The following SUSD5 variants were observed in gnomAD, a reference collection of about 807,000 sequenced individuals.
SUSD5 encodes sushi domain containing 5.
A neutral mutation model predicts 29.5 loss-of-function variants in SUSD5; 33 were observed. The observed-to-expected ratio is 1.12, with a 90% CI of 0.85 to 1.49. The LOEUF (loss-of-function observed/expected upper bound fraction) is 1.49, where lower values mean the gene tolerates loss of function less well. Among genes scored for constraint, SUSD5 ranks in the 40% most tolerant of loss-of-function variants. SUSD5 has a pLI of 0.00. For synonymous variants in SUSD5, 308 were observed against 325.3 expected, an observed-to-expected ratio of 0.95 and a Z score of 0.57; for missense variants, 776 against 800.6, an observed-to-expected ratio of 0.97 and a Z score of 0.37.
intron 4 of SUSD5, among the ~76,000 whole-genome samples, chr3:33,156,766 A>T (rs948776214): frequency 6.6e-6 from 1 of 152,212 alleles, no homozygotes; most frequent in Non-Finnish European, 1.5e-5. Flanking sequence ...TTATTTCTAA[A>T]GGCTGTTAGA....
At chr3:33,202,094 C>T (rs1328644958) in intron 3 of SUSD5, among the ~76,000 whole-genome samples, 2 of 151,846 alleles carry the variant, frequency 1.3e-5, no homozygotes, top group Non-Finnish European at 2.9e-5. Flanking sequence ...TATCTATCAT[C>T]TATCTGAAGC....
chr3:33,195,154 C>T (rs112740401), intron 3 of SUSD5, among the ~76,000 whole-genome samples: 9 of 152,294 alleles, frequency 5.9e-5, no homozygotes, highest in African/African-American at 2.2e-4. Flanking sequence ...GAGACTGTGC[C>T]ACTGCACTCC....
intron 4 of SUSD5, among the ~76,000 whole-genome samples, chr3:33,161,868 G>A (rs1272520339): frequency 1.3e-5 from 2 of 152,060 alleles, no homozygotes; most frequent in African/African-American, 4.8e-5. Flanking sequence ...AGAAGACACT[G>A]ATAAATCCAT....
chr3:33,174,824 A>T, intron 4 of SUSD5, 62 bp downstream of exon 4: 1 of 1,577,182 alleles, frequency 6.3e-7, no homozygotes, highest in Non-Finnish European at 8.7e-7. Flanking sequence ...AGCCAGCAGC[A>T]GTGGAGCCCT....
rs1365029244 is a variant in SUSD5 at position 33,213,964 on chromosome 3, A to T, written c.254T>A (p.Val85Glu). 1 of 1,610,474 alleles carries T rather than the reference A, an allele frequency of 6.2e-7. No homozygotes were observed. Reference protein sequence around the residue: ...RRVVQDCSFAVCTTGWLADGT... With the variant: ...RRVVQDCSFAECTTGWLADGT... Reference sequence around the variant, plus strand: ...ATCTGCTAGCCAGCCAGTGGTGCACACCGCAAAGGAGCAATCCTGTACCAC... The same window carrying T: ...ATCTGCTAGCCAGCCAGTGGTGCACTCCGCAAAGGAGCAATCCTGTACCAC... Residue 85 changes from valine to glutamate, a missense_variant, in exon 2 of 5, where the codon GTG becomes GAG. Physicochemically the swap from Val to Glu is moderately radical, Grantham distance 121. Coordinates refer to ENST00000309558, the MANE Select transcript of SUSD5 (RefSeq NM_015551.2).
At chr3:33,159,283 C>A (rs910694135) in intron 4 of SUSD5, among the ~76,000 whole-genome samples, 1 of 152,188 alleles carries the variant, frequency 6.6e-6, no homozygotes, top group African/African-American at 2.4e-5. Context: ...CACGGGAAAG[C>A]AGAATTCTAC....
rs2032177197 is a variant in SUSD5 at position 33,204,513 on chromosome 3, G to T, written c.409+3295C>A. ...TTTTTTTGTATTTTTAGTAGAGACA[G>T]GGTTTCACCATGTTAGCCAGGATGG... is the stretch of plus-strand genomic sequence containing the variant. On this transcript the variant is annotated intron_variant, in intron 3 of 4. Coordinates refer to ENST00000309558, the MANE Select transcript of SUSD5 (RefSeq NM_015551.2). This position sits in a 1 kb window ranked among gnomAD's most constrained non-coding sequence, Gnocchi z 4.5. Among the ~76,000 whole-genome samples the T allele has an allele frequency of 6.6e-6, 1 of 151,966 alleles. No homozygotes were observed.
chr3:33,203,096 C>A (rs1480077352), intron 3 of SUSD5, among the ~76,000 whole-genome samples: 7 of 152,232 alleles, frequency 4.6e-5, no homozygotes, highest in Non-Finnish European at 8.8e-5. Flanking sequence ...ACAGCCTGTT[C>A]TCCTCTGCTT....
chr3:33,175,053 G>A lies in SUSD5; in HGVS notation c.431C>T (p.Pro144Leu). 1 of 1,614,018 alleles carries A rather than the reference G, an allele frequency of 6.2e-7. No homozygotes were observed. The highest frequency in any genetic ancestry group is 8.5e-7 in the Non-Finnish European group (1 of 1,179,888). The change falls in exon 4 of 5, where the codon CCT becomes CTT. Residue 144 changes from proline to leucine, a missense_variant. Physicochemically the swap from Pro to Leu is moderately conservative, Grantham distance 98 (BLOSUM62 -3). Coordinates refer to ENST00000309558, the MANE Select transcript of SUSD5 (RefSeq NM_015551.2). ...CTGCAGGATGGTGTGTGGGAACGAA[G>A]GCGGGTCTCCACACGGCTTCTCTGA... ...KDEEKPCGDP[P>L]SFPHTILQGR...
At chr3:33,207,763 C>G in intron 3 of SUSD5, 45 bp downstream of exon 3, 1 of 1,366,278 alleles carries the variant, frequency 7.3e-7, no homozygotes, top group Non-Finnish European at 1.0e-6. Context: ...TAGCAATCCC[C>G]AAGAGCACAC....
At chr3:33,168,306 C>G (rs1295563743) in intron 4 of SUSD5, among the ~76,000 whole-genome samples, 1 of 152,236 alleles carries the variant, frequency 6.6e-6, no homozygotes, top group Non-Finnish European at 1.5e-5. Flanking sequence ...AAAAAGACAA[C>G]CAGACAAGCC....
At chr3:33,195,350 C>A (rs1422077488) in intron 3 of SUSD5, among the ~76,000 whole-genome samples, 5 of 152,126 alleles carry the variant, frequency 3.3e-5, no homozygotes, top group African/African-American at 1.2e-4. Flanking sequence ...CCCAATTAAT[C>A]AGTGATGTGC....
chr3:33,209,680 CTTTCTTTTT>C (rs1287389665), intron 2 of SUSD5, among the ~76,000 whole-genome samples: 1 of 97,526 alleles, frequency 1.0e-5, no homozygotes, highest in Non-Finnish European at 2.2e-5. Context: ...CTTTTCTTTT[CTTTCTTTTT>C]GCAACAAGGT....
At chr3:33,217,278 T>A (rs1285354337) in intron 1 of SUSD5, among the ~76,000 whole-genome samples, 1 of 152,224 alleles carries the variant, frequency 6.6e-6, no homozygotes, top group Non-Finnish European at 1.5e-5. Context: ...CAGCTTAATT[T>A]TCATGGCTCA....
chr3:33,157,693 G>A (rs1273272088), intron 4 of SUSD5, among the ~76,000 whole-genome samples: 3 of 152,166 alleles, frequency 2.0e-5, no homozygotes, highest in Non-Finnish European at 4.4e-5. Context: ...CCTACTGAAC[G>A]CAATGAAAGT....
chr3:33,191,527 A>G (rs2031891420), intron 3 of SUSD5, among the ~76,000 whole-genome samples: 1 of 152,072 alleles, frequency 6.6e-6, no homozygotes. Context: ...CTTCCCCTAC[A>G]CTACTAGCCA....
At chr3:33,158,130 AG>A (rs1191030707) in intron 4 of SUSD5, among the ~76,000 whole-genome samples, 4 of 152,340 alleles carry the variant, frequency 2.6e-5, no homozygotes, top group Non-Finnish European at 5.9e-5. Context: ...TCAGATCCCA[AG>A]CTTCTCTTCA....
At chr3:33,175,853 C>G (rs2031541797) in intron 3 of SUSD5, among the ~76,000 whole-genome samples, 2 of 152,108 alleles carry the variant, frequency 1.3e-5, no homozygotes, top group South Asian at 4.1e-4. Context: ...CATTATCACC[C>G]AAAGTCCATA....
chr3:33,177,564 A>G (rs2031578709), intron 3 of SUSD5, among the ~76,000 whole-genome samples: 1 of 151,996 alleles, frequency 6.6e-6, no homozygotes, highest in South Asian at 2.1e-4. Context: ...GCTGGAGTGC[A>G]GTGGTGGGAT....
Sources: allele counts gnomAD v4.1 joint callset (sites outside exome capture counted in the v4.1 genomes callset), GRCh38; gene constraint gnomAD v4.1.1; non-coding constraint Gnocchi (gnomAD v3.1); transcripts MANE v1.5; gene names NCBI Gene and HGNC (gene_info 2026-07-23, HGNC 2026-07-21).